Variants in GP9 observed in about 807,000 individuals in gnomAD.
GP9 encodes platelet glycoprotein IX.
For missense variants in GP9, 228 were observed against 241.8 expected (o/e 0.94, Z 0.38); for synonymous variants, 116 against 116.7 (o/e 0.99, Z 0.04).
intron 1 of GP9, 44 bp downstream of exon 1, chr3:129,060,894 G>A (rs932891351): frequency 6.6e-6 from 1 of 152,442 alleles, no homozygotes; most frequent in Admixed American, 6.5e-5. Context: ...CCCACAGGGA[G>A]AGAGGAGGTC....
chr3:129,055,613 G>A, the GP9 span, among the ~76,000 whole-genome samples: 1 of 151,916 alleles, frequency 6.6e-6, no homozygotes, highest in Non-Finnish European at 1.5e-5. Flanking sequence ...TACGTCAAAG[G>A]GTGTGAGGGC....
chr3:129,062,178 G>T lies in GP9; in HGVS notation c.439G>T (p.Gly147Trp). The change falls in exon 3 of 3, where the codon GGG becomes TGG. Residue 147 changes from glycine (G) to tryptophan (W), a missense_variant. By Grantham distance (184) the Gly-to-Trp change is radical (BLOSUM62 -2). Transcript: ENST00000307395. ...GCTGCAGGCGTCCTGGGTGCGCCCGGGGGTCTTGTGGGACGTGGCGCTGGT... is the reference window on the plus strand; with the variant it reads ...GCTGCAGGCGTCCTGGGTGCGCCCGTGGGTCTTGTGGGACGTGGCGCTGGT... ...WQLQASWVRP[G>W]VLWDVALVAV... 6.3e-7 allele frequency: 1 copy of T among 1,575,042 alleles called. No homozygotes were observed.
At position 129,061,699 on chromosome 3, in the gene GP9, G is replaced by A. The variant is rs201745505; in HGVS notation, c.-12-29G>A. 20 of 1,567,998 alleles carry A rather than the reference G, an allele frequency of 1.3e-5. No homozygotes were observed. The African/African-American group carries it at 2.3e-4, about 18-fold the overall frequency. On this transcript the variant is annotated intron_variant, in intron 2 of 2. Transcript: ENST00000307395. The stretch of plus-strand genomic sequence containing the variant: ...CCTGAGGATCGGTCCAGGCTGCCAG[G>A]CCCTCCCTCACAGCCCCTCTCTCTG...
upstream of GP9, among the ~76,000 whole-genome samples, chr3:129,058,632 G>C (rs1008122863): frequency 2.0e-5 from 3 of 152,156 alleles, no homozygotes; most frequent in Non-Finnish European, 2.9e-5. Flanking sequence ...AAAGTTACAG[G>C]GTTCTGGAAA....
chr3:129,055,024 G>A, the GP9 span, among the ~76,000 whole-genome samples: 1 of 152,174 alleles, frequency 6.6e-6, no homozygotes, highest in Non-Finnish European at 1.5e-5. Flanking sequence ...TTATAATTTA[G>A]CGTCTTATTT....
Position 129,061,610 on chromosome 3 carries a change from G to A in GP9, c.-22G>A, listed in dbSNP as rs972944204. 12 of 778,744 alleles carry A rather than the reference G, an allele frequency of 1.5e-5. No individual in the cohort carries two copies. The highest frequency in any genetic ancestry group is 1.0e-4 in the Admixed American group (5 of 49,094). 48.2% of individuals were successfully genotyped at this position (778,744 alleles called of 1,614,324 possible). A position where few individuals can be genotyped will look rare whatever the true frequency, so the allele number is the denominator to read the frequency against. The stretch of plus-strand genomic sequence containing the variant: ...TTCCCAGAGGAGAAGGCTGAGACCC[G>A]AGAAGGGAGGTGAGTGCACCCCGTC... On this transcript the variant is annotated 5_prime_UTR_variant, in exon 2 of 3. Coordinates refer to ENST00000307395, the MANE Select transcript of GP9 (RefSeq NM_000174.5).
Position 129,062,214 on chromosome 3 carries a change from G to A in GP9, c.475G>A (p.Ala159Thr), listed in dbSNP as rs769951731. Residue 159 changes from alanine (A) to threonine (T), a missense_variant, in exon 3 of 3, where the codon GCG becomes ACG. Transcript: ENST00000307395. ...LWDVALVAVA[A>T]LGLALLAGLL... The stretch of plus-strand genomic sequence containing the variant: ...GGACGTGGCGCTGGTCGCCGTGGCC[G>A]CGCTGGGCCTGGCTCTTCTGGCTGG... The A allele has an allele frequency of 9.6e-6, 15 of 1,564,806 alleles. No individual in the cohort carries two copies. The highest frequency in any genetic ancestry group is 6.8e-5 in the African/African-American group (5 of 74,048).
Position 129,062,018 on chromosome 3 carries a change from C to T in GP9, c.279C>T (p.Leu93=). 6.2e-7 allele frequency: 1 copy of T among 1,613,644 alleles called. No homozygotes were observed. The highest frequency in any genetic ancestry group is 1.3e-5 in the African/African-American group (1 of 75,062). ...ACCCCTGGCACTGTGACTGCAGCCT[C>T]ACCTATCTGCGCCTCTGGCTGGAGG... ...TQNPWHCDCS[L]TYLRLWLEDR... is the part of the protein sequence containing the mutation. Residue 93 remains leucine (L), a synonymous_variant, in exon 3 of 3, where the codon CTC becomes CTT. Transcript: ENST00000307395.
Position 129,062,094 on chromosome 3 carries a change from G to T in GP9, c.355G>T (p.Ala119Ser). ...GGTCCGCTGTGCCAGCCCCAGCCTCGCTGCCCATGGCCCGCTGGGCCGGCT... is the reference window on the plus strand; with the variant it reads ...GGTCCGCTGTGCCAGCCCCAGCCTCTCTGCCCATGGCCCGCTGGGCCGGCT... The part of the protein sequence containing the change: ...LQVRCASPSL[A>S]AHGPLGRLTG... The change falls in exon 3 of 3, where the codon GCT becomes TCT. Residue 119 changes from alanine to serine, a missense_variant. Coordinates refer to ENST00000307395, the MANE Select transcript of GP9 (RefSeq NM_000174.5). The T allele has an allele frequency of 6.2e-7, 1 of 1,606,012 alleles. No homozygotes were observed. Among genetic ancestry groups the T allele is most frequent in the Non-Finnish European group, 8.5e-7 (1 of 1,177,230 alleles).
upstream of GP9, chr3:129,060,642 T>C (rs1012389607): frequency 1.3e-5 from 2 of 152,416 alleles, no homozygotes; most frequent in African/African-American, 4.8e-5. Context: ...GAGATGTGGT[T>C]CTGTGCCCAA....
At chr3:129,061,146 A>G (rs1304673134) in intron 1 of GP9, among the ~76,000 whole-genome samples, 1 of 152,124 alleles carries the variant, frequency 6.6e-6, no homozygotes, top group Non-Finnish European at 1.5e-5. Flanking sequence ...CCCTGGGCAC[A>G]TTGCTTTCCC....
At chr3:129,055,642 T>C in the GP9 span, among the ~76,000 whole-genome samples, 6 of 151,046 alleles carry the variant, frequency 4.0e-5, no homozygotes, top group Admixed American at 3.3e-4. Flanking sequence ...TTTTCTTTCT[T>C]TCTTTCTTTT....
upstream of GP9, among the ~76,000 whole-genome samples, chr3:129,058,060 A>T (rs1297395748): frequency 6.6e-6 from 1 of 151,936 alleles, no homozygotes; most frequent in South Asian, 2.1e-4. Flanking sequence ...CTCGAAACCC[A>T]CTTTAGGCAG....
chr3:129,061,486 A>T lies in GP9; in HGVS notation c.-138-8A>T, dbSNP rs1276447127. The T allele has an allele frequency of 1.0e-5, 6 of 587,594 alleles. No individual in the cohort carries two copies. Among genetic ancestry groups the T allele is most frequent in the African/African-American group, 3.7e-5 (2 of 53,470 alleles). The allele number at this position is 587,594 out of a possible 1,614,324, so 36.4% of individuals were successfully genotyped here. A position where few individuals can be genotyped will look rare whatever the true frequency, so the allele number is the denominator to read the frequency against. On this transcript the variant is annotated splice_polypyrimidine_tract_variant and splice_region_variant and intron_variant, in intron 1 of 2. Transcript: ENST00000307395. ...CCCTTCCCAAAAACAAACTTACCCAATCCACAGCCGCCCTCACCGCCCGGC... is the reference window on the plus strand; with the variant it reads ...CCCTTCCCAAAAACAAACTTACCCATTCCACAGCCGCCCTCACCGCCCGGC...
chr3:129,061,186 G>A (rs939079729), intron 1 of GP9, among the ~76,000 whole-genome samples: 4 of 152,168 alleles, frequency 2.6e-5, no homozygotes, highest in South Asian at 4.1e-4. Flanking sequence ...CCAAGTCAGT[G>A]TTAGCCCAGA....
At position 129,061,880 on chromosome 3, in the gene GP9, T is replaced by C. The variant is rs960932963; in HGVS notation, c.141T>C (p.Pro47=). Residue 47 remains proline (P), a synonymous_variant, in exon 3 of 3, where the codon CCT becomes CCC. Transcript: ENST00000307395. The part of the protein sequence containing the change: ...DCRGHGLTAL[P]ALPARTRHLL... ...GGGGCCACGGACTCACGGCCCTGCC[T>C]GCCCTGCCGGCCCGCACCCGCCACC... 3 of 1,613,252 alleles carry C rather than the reference T, an allele frequency of 1.9e-6. No individual in the cohort carries two copies. Among genetic ancestry groups the C allele is most frequent in the Non-Finnish European group, 2.5e-6 (3 of 1,179,754 alleles).
At chr3:129,058,741 A>C (rs144080440), upstream of GP9, among the ~76,000 whole-genome samples, 711 of 152,374 alleles carry the variant, frequency 4.7e-3, 4 homozygotes, top group African/African-American at 0.016. Context: ...CCCACACACT[A>C]CTGCTCTGGG....
upstream of GP9, among the ~76,000 whole-genome samples, chr3:129,055,982 G>A (rs912769240): frequency 6.6e-6 from 1 of 152,108 alleles, no homozygotes; most frequent in Non-Finnish European, 1.5e-5. Flanking sequence ...TGTGCCAGTG[G>A]CCCCTGCCCA....
In GP9 at chr3:129,061,843, G is replaced by A; in HGVS notation, c.104G>A (p.Trp35Ter). Residue 35 changes from tryptophan to a stop codon, truncating the protein, a stop_gained, in exon 3 of 3, where the codon TGG becomes TAG. Coordinates refer to ENST00000307395, the MANE Select transcript of GP9 (RefSeq NM_000174.5). LOFTEE classifies it low-confidence loss of function (END_TRUNC). ...CGCGCCCTGGAAACCATGGGGCTGT[G>A]GGTGGACTGCAGGGGCCACGGACTC... Reference protein sequence around the residue: ...TCRALETMGLWVDCRGHGLTA... With the variant: ...TCRALETMGL The A allele has an allele frequency of 6.2e-7, 1 of 1,612,556 alleles. No individual in the cohort carries two copies. The highest frequency in any genetic ancestry group is 1.3e-5 in the African/African-American group (1 of 75,040).
Sources: gnomAD v4.1 joint callset for allele counts (sites outside exome capture counted in the v4.1 genomes callset) on GRCh38, gnomAD v4.1.1 for gene constraint, MANE v1.5 for transcripts, NCBI Gene and HGNC (gene_info 2026-07-23, HGNC 2026-07-21) for gene names.